NXPE2: variants seen among roughly 807,000 people sequenced by gnomAD.
The protein encoded by NXPE2 is NXPE family member 2.
A neutral mutation model predicts 34.4 loss-of-function variants in NXPE2; 34 were observed. The observed-to-expected ratio is 0.99, with a 90% CI of 0.75 to 1.31. The LOEUF (loss-of-function observed/expected upper bound fraction) is 1.31. Among genes scored for constraint, NXPE2 ranks in the 40% most tolerant of loss-of-function variants. The pLI, the probability that NXPE2 is intolerant of heterozygous loss-of-function variation, is 0.00. For synonymous variants in NXPE2, 235 were observed against 231.3 expected, an observed-to-expected ratio of 1.02 and a Z score of -0.15; for missense variants, 649 against 672.5, an observed-to-expected ratio of 0.97 and a Z score of 0.39.
At chr11:114,632,339 G>T in the NXPE2 span, among the ~76,000 whole-genome samples, 1 of 130,184 alleles carries the variant, frequency 7.7e-6, no homozygotes, top group Non-Finnish European at 1.6e-5. Flanking sequence ...TAACATAATA[G>T]AATATATAAT....
the NXPE2 span, among the ~76,000 whole-genome samples, chr11:114,567,179 C>CA: frequency 6.6e-6 from 1 of 152,098 alleles, no homozygotes; most frequent in Non-Finnish European, 1.5e-5. Flanking sequence ...CCTGGCCTGG[C>CA]AATAACCTTT....
At chr11:114,752,868 C>T in the NXPE2 span, among the ~76,000 whole-genome samples, 9 of 152,022 alleles carry the variant, frequency 5.9e-5, no homozygotes, top group African/African-American at 1.2e-4. Context: ...TACACATTTA[C>T]GAGTATCCAG....
chr11:114,755,555 C>T, the NXPE2 span, among the ~76,000 whole-genome samples: 146,334 of 152,290 alleles, frequency 0.96, 70,579 homozygotes, highest in East Asian at 1. Context: ...GAAAACCACA[C>T]ACCATTCTGT....
the NXPE2 span, among the ~76,000 whole-genome samples, chr11:114,793,091 A>C: frequency 1.3e-5 from 2 of 152,206 alleles, no homozygotes; most frequent in Non-Finnish European, 2.9e-5. Context: ...TTTACACACT[A>C]GTGATACAGA....
chr11:114,487,457 CT>C, the NXPE2 span, among the ~76,000 whole-genome samples: 112 of 152,176 alleles, frequency 7.4e-4, no homozygotes, highest in African/African-American at 2.6e-3. Flanking sequence ...AATTTGACTT[CT>C]TCCTTTCTAA....
At chr11:114,604,399 A>C in the NXPE2 span, among the ~76,000 whole-genome samples, 1 of 141,746 alleles carries the variant, frequency 7.1e-6, no homozygotes, top group Non-Finnish European at 1.6e-5. Context: ...CTGTTACATG[A>C]TGGATAGTAA....
intron 3 of NXPE2, among the ~76,000 whole-genome samples, chr11:114,701,443 G>T (rs565766102): frequency 6.5e-4 from 99 of 152,280 alleles, no homozygotes; most frequent in African/African-American, 2.2e-3. Flanking sequence ...CAAGGGGGCT[G>T]TGCTCATGAC....
chr11:114,609,806 G>T, the NXPE2 span, among the ~76,000 whole-genome samples: 1 of 151,560 alleles, frequency 6.6e-6, no homozygotes, highest in Non-Finnish European at 1.5e-5. Flanking sequence ...TGGATAATAA[G>T]CATTGCCTGG....
At chr11:114,556,809 G>A in the NXPE2 span, among the ~76,000 whole-genome samples, 16 of 150,912 alleles carry the variant, frequency 1.1e-4, no homozygotes, top group South Asian at 4.2e-4. Flanking sequence ...TCATATTATC[G>A]TTGATATATC....
At chr11:114,704,159 T>C (rs562739195) in intron 4 of NXPE2, 107 bp downstream of exon 4, 473 of 789,296 alleles carry the variant, frequency 6.0e-4, no homozygotes, top group Non-Finnish European at 7.9e-4. Context: ...TCTCATTTCC[T>C]GGGACAAATT....
the NXPE2 span, among the ~76,000 whole-genome samples, chr11:114,644,956 A>G: frequency 6.6e-6 from 1 of 152,020 alleles, no homozygotes; most frequent in Non-Finnish European, 1.5e-5. Flanking sequence ...AATTGTCATG[A>G]CATATTGATG....
chr11:114,499,904 A>G, the NXPE2 span, among the ~76,000 whole-genome samples: 1 of 151,464 alleles, frequency 6.6e-6, no homozygotes, highest in South Asian at 2.1e-4. Context: ...TTCCCTCAGC[A>G]AAGTGATTTT....
At chr11:114,602,202 T>G in the NXPE2 span, among the ~76,000 whole-genome samples, 1 of 108,716 alleles carries the variant, frequency 9.2e-6, no homozygotes, top group African/African-American at 3.7e-5. Context: ...TAATATATAA[T>G]ACTATATACA....
the NXPE2 span, among the ~76,000 whole-genome samples, chr11:114,778,720 G>A: frequency 2.0e-5 from 3 of 152,168 alleles, no homozygotes; most frequent in Non-Finnish European, 4.4e-5. Context: ...GAAGGAGCAT[G>A]TCCATCAAAG....
the NXPE2 span, among the ~76,000 whole-genome samples, chr11:114,544,773 G>A: frequency 6.6e-6 from 1 of 152,204 alleles, no homozygotes; most frequent in Non-Finnish European, 1.5e-5. Flanking sequence ...CTGTTAAGAG[G>A]ATGCAGAGAT....
chr11:114,574,164 C>A, the NXPE2 span, among the ~76,000 whole-genome samples: 1 of 151,812 alleles, frequency 6.6e-6, no homozygotes, highest in Non-Finnish European at 1.5e-5. Flanking sequence ...TTGAACTGAA[C>A]CATAATAGTG....
the NXPE2 span, among the ~76,000 whole-genome samples, chr11:114,653,996 C>T: frequency 4.6e-5 from 7 of 152,124 alleles, no homozygotes; most frequent in South Asian, 2.1e-4. Flanking sequence ...AAGGCATACC[C>T]GGCAGAGGGA....
intron 2 of NXPE2, among the ~76,000 whole-genome samples, chr11:114,681,891 A>G (rs1950957312): frequency 6.6e-6 from 1 of 152,214 alleles, no homozygotes. Context: ...TTAAAGGATT[A>G]ATAAGGTCAG....
chr11:114,602,464 A>C, the NXPE2 span, among the ~76,000 whole-genome samples: 1 of 135,400 alleles, frequency 7.4e-6, no homozygotes, highest in East Asian at 2.2e-4. Flanking sequence ...TAAATAATAT[A>C]TAAATTATAG....
Sources: gnomAD v4.1 joint callset for allele counts (sites outside exome capture counted in the v4.1 genomes callset) on GRCh38, gnomAD v4.1.1 for gene constraint, MANE v1.5 for transcripts, NCBI Gene and HGNC (gene_info 2026-07-23, HGNC 2026-07-21) for gene names.